LRFN5: variants seen among roughly 807,000 people sequenced by gnomAD.
LRFN5 encodes the protein leucine-rich repeat and fibronectin type-III domain-containing protein 5.
A neutral mutation model predicts 45.6 loss-of-function variants in LRFN5; 24 were observed. The ratio of observed to expected loss-of-function variants is 0.53; its 90% CI spans 0.38 to 0.74. The LOEUF (loss-of-function observed/expected upper bound fraction) is 0.74, where lower values mean the gene tolerates loss of function less well. Ranked by LOEUF, LRFN5 falls within the 30% of genes least tolerant of loss-of-function variation. LRFN5 has a pLI of 0.00. For synonymous variants in LRFN5, 340 were observed against 313.8 expected (o/e 1.08, Z -0.88); for missense variants, 776 against 861.5 (o/e 0.90, Z 1.24).
intron 2 of LRFN5, among the ~76,000 whole-genome samples, chr14:41,878,895 C>T (rs1459621737): frequency 5.3e-5 from 8 of 152,036 alleles, no homozygotes; most frequent in Admixed American, 5.2e-4. Context: ...TGTCAAGGAT[C>T]AGTTTGTGAA....
At chr14:41,622,051 G>A (rs976852583) in intron 1 of LRFN5, among the ~76,000 whole-genome samples, 1 of 151,668 alleles carries the variant, frequency 6.6e-6, no homozygotes, top group African/African-American at 2.4e-5. Flanking sequence ...TCTGAACTTG[G>A]TTGGGAAGAA....
rs1461385606 is a variant in LRFN5, at chr14:41,758,637, G to A, written c.-196-8217G>A. On this transcript the variant is annotated intron_variant, in intron 1 of 5. Coordinates refer to ENST00000298119, the MANE Select transcript of LRFN5 (RefSeq NM_152447.5). ...AAAAGACCAAGGACAGCAGGGTTAC[G>A]GTCTAATAAAATAATGTGTCTGAAA... Among the ~76,000 whole-genome samples the A allele has an allele frequency of 5.9e-5, 9 of 152,072 alleles. No individual in the cohort carries two copies. In the East Asian group the frequency reaches 7.7e-4, roughly 13 times the overall value.
intron 1 of LRFN5, among the ~76,000 whole-genome samples, chr14:41,659,182 C>G (rs909079333): frequency 1.3e-5 from 2 of 152,036 alleles, no homozygotes; most frequent in African/African-American, 4.8e-5. Flanking sequence ...AGGTATTTCT[C>G]ATAATGCTAT....
intron 2 of LRFN5, among the ~76,000 whole-genome samples, chr14:41,884,017 C>T (rs1483150957): frequency 6.6e-6 from 1 of 152,092 alleles, no homozygotes; most frequent in Non-Finnish European, 1.5e-5. Context: ...ATTACCCTGC[C>T]TCCACTTACA....
intron 1 of LRFN5, among the ~76,000 whole-genome samples, chr14:41,680,054 A>G (rs149332040): frequency 2.8e-4 from 43 of 152,228 alleles, no homozygotes; most frequent in Middle Eastern, 3.4e-3. Context: ...GAAGAGTTGG[A>G]AGGACTTCAC....
In LRFN5 at chr14:41,704,436, C is replaced by CTGTG. The variant is rs1430752309; in HGVS notation, c.-196-62417_-196-62416insGTGT. ...TCTCTCTCTCTCTCTCTCTCTCTCTCTCTCTCTCTCTCTGTGTGTGTGTGT... is the reference window on the plus strand; with the variant it reads ...TCTCTCTCTCTCTCTCTCTCTCTCTCTGTGTCTCTCTCTCTCTGTGTGTGTGTGT... On this transcript the variant is annotated intron_variant, in intron 1 of 5. Coordinates refer to ENST00000298119, the MANE Select transcript of LRFN5 (RefSeq NM_152447.5). Among the ~76,000 whole-genome samples, 73 of 89,528 alleles carry CTGTG rather than the reference C, an allele frequency of 8.2e-4. 2 individuals are homozygous for CTGTG. The highest frequency in any genetic ancestry group is 3.6e-3 in the East Asian group (13 of 3,588). The allele number at this position is 89,528 out of a possible 152,430, so 58.7% of individuals were successfully genotyped here. A position where few individuals can be genotyped will look rare whatever the true frequency, so the allele number is the denominator to read the frequency against.
At chr14:41,674,273 C>T (rs1336341172) in intron 1 of LRFN5, among the ~76,000 whole-genome samples, 8 of 127,372 alleles carry the variant, frequency 6.3e-5, no homozygotes, top group East Asian at 2.6e-4. Flanking sequence ...CCAGTAGGGG[C>T]GGCCGGGCAG....
intron 1 of LRFN5, among the ~76,000 whole-genome samples, chr14:41,610,578 C>G (rs1054397924): frequency 6.9e-6 from 1 of 144,580 alleles, no homozygotes; most frequent in African/African-American, 2.6e-5. Context: ...TTTGTAACTT[C>G]TAGCTCCAGG....
intron 1 of LRFN5, among the ~76,000 whole-genome samples, chr14:41,720,097 A>G (rs1256202646): frequency 6.6e-6 from 1 of 152,028 alleles, no homozygotes; most frequent in African/African-American, 2.4e-5. Flanking sequence ...ATTGTACTCA[A>G]TCATTAGTTT....
intron 1 of LRFN5, among the ~76,000 whole-genome samples, chr14:41,673,438 C>T (rs1452424746): frequency 5.7e-5 from 8 of 141,020 alleles, no homozygotes; most frequent in Admixed American, 2.1e-4. Flanking sequence ...GCTGGCCGGG[C>T]GGGGGGGCTG....
intron 1 of LRFN5, among the ~76,000 whole-genome samples, chr14:41,682,926 G>A (rs2138689213): frequency 6.6e-6 from 1 of 152,200 alleles, no homozygotes; most frequent in East Asian, 1.9e-4. Flanking sequence ...CCAAAGAATG[G>A]AGAGGGTGGA....
intron 1 of LRFN5, among the ~76,000 whole-genome samples, chr14:41,664,647 G>A (rs1566609877): frequency 6.6e-6 from 1 of 151,800 alleles, no homozygotes; most frequent in Non-Finnish European, 1.5e-5. Context: ...ATGCAATTAA[G>A]TGAGAACCTA....
chr14:41,705,124 A>G (rs1883010149), intron 1 of LRFN5, among the ~76,000 whole-genome samples: 1 of 152,156 alleles, frequency 6.6e-6, no homozygotes. Context: ...ACAATTTTTC[A>G]TATAAATTAA....
At chr14:41,820,474 T>C (rs1369800541) in intron 2 of LRFN5, among the ~76,000 whole-genome samples, 1 of 152,096 alleles carries the variant, frequency 6.6e-6, no homozygotes, top group Non-Finnish European at 1.5e-5. Flanking sequence ...GATCCATGTG[T>C]CTATTTTTAT....
chr14:41,714,791 G>A (rs1458037414), intron 1 of LRFN5, among the ~76,000 whole-genome samples: 2 of 152,108 alleles, frequency 1.3e-5, no homozygotes, highest in African/African-American at 4.8e-5. Flanking sequence ...TATAGTCCCA[G>A]CTACTCAGGA....
chr14:41,644,154 T>A (rs1458185526), intron 1 of LRFN5, among the ~76,000 whole-genome samples: 2 of 152,230 alleles, frequency 1.3e-5, no homozygotes, highest in Non-Finnish European at 2.9e-5. Flanking sequence ...ACTTGAGGGT[T>A]TTAAAGTTAA....
chr14:41,685,242 C>T (rs73313553), intron 1 of LRFN5, among the ~76,000 whole-genome samples: 2,524 of 152,008 alleles, frequency 0.017, 55 homozygotes, highest in African/African-American at 0.056. Flanking sequence ...ATGGAGGTTC[C>T]CCAAAAAAAC....
At chr14:41,814,521 C>T (rs1887850120) in intron 2 of LRFN5, among the ~76,000 whole-genome samples, 1 of 152,112 alleles carries the variant, frequency 6.6e-6, no homozygotes, top group Admixed American at 6.6e-5. Flanking sequence ...GAATTTATTT[C>T]TTAAATCATA....
intron 2 of LRFN5, among the ~76,000 whole-genome samples, chr14:41,873,643 C>G (rs1391196034): frequency 6.6e-6 from 1 of 152,072 alleles, no homozygotes; most frequent in Non-Finnish European, 1.5e-5. Flanking sequence ...CACAGAGACT[C>G]AGCTATTCAA....
Sources: gnomAD v4.1 joint callset for allele counts (sites outside exome capture counted in the v4.1 genomes callset) on GRCh38, gnomAD v4.1.1 for gene constraint, MANE v1.5 for transcripts, NCBI Gene and HGNC (gene_info 2026-07-23, HGNC 2026-07-21) for gene names.